ATG10: variants seen among roughly 807,000 people sequenced by gnomAD.
The protein encoded by ATG10 is ubiquitin-like-conjugating enzyme ATG10.
ATG10 carries 30 observed loss-of-function variants against 32.1 expected under a neutral mutation model. The ratio of observed to expected loss-of-function variants is 0.94; its 90% CI spans 0.70 to 1.27. The LOEUF is 1.27. ATG10 is among the 50% of genes most tolerant of loss of function. The pLI, the probability that ATG10 is intolerant of heterozygous loss-of-function variation, is 0.00. For synonymous variants in ATG10, 87 were observed against 91.5 expected, an observed-to-expected ratio of 0.95 and a Z score of 0.28; for missense variants, 233 against 262.3, an observed-to-expected ratio of 0.89 and a Z score of 0.77.
chr5:82,167,781 C>G (rs142806550), intron 4 of ATG10, among the ~76,000 whole-genome samples: 1 of 152,206 alleles, frequency 6.6e-6, no homozygotes, highest in Non-Finnish European at 1.5e-5. Flanking sequence ...GCTTCTGCCT[C>G]TCATTTCTAC....
At chr5:82,046,885 T>C (rs1007658663) in intron 2 of ATG10, among the ~76,000 whole-genome samples, 6 of 152,014 alleles carry the variant, frequency 3.9e-5, no homozygotes, top group Non-Finnish European at 7.4e-5. Context: ...AAATAGCCAA[T>C]GGTTCAAAAA....
chr5:82,013,291 C>A (rs1472047495), intron 2 of ATG10, among the ~76,000 whole-genome samples: 7 of 152,324 alleles, frequency 4.6e-5, no homozygotes, highest in African/African-American at 1.7e-4. Flanking sequence ...CATACCTTAG[C>A]TCCCACTTGT....
At chr5:82,059,720 A>G (rs944392450) in intron 3 of ATG10, among the ~76,000 whole-genome samples, 1 of 152,160 alleles carries the variant, frequency 6.6e-6, no homozygotes, top group Non-Finnish European at 1.5e-5. Context: ...CCATTTGCCA[A>G]TCAGACATCA....
At position 81,972,314 on chromosome 5, in the gene ATG10, T is replaced by G. The variant is rs1760745015; in HGVS notation, c.-13+8T>G. On this transcript the variant is annotated splice_region_variant and intron_variant, in intron 1 of 7. Coordinates refer to ENST00000282185, the MANE Select transcript of ATG10 (RefSeq NM_031482.5). ...GGGGCCGAGCGGAGAGGGGTGAGTATTCCCCACAGCCCTTGCCGGTTGTCT... is the reference window on the plus strand; with the variant it reads ...GGGGCCGAGCGGAGAGGGGTGAGTAGTCCCCACAGCCCTTGCCGGTTGTCT... 6.6e-6 allele frequency: 1 copy of G among 152,156 alleles called. No homozygotes were observed. The highest frequency in any genetic ancestry group is 2.1e-4 in the South Asian group (1 of 4,830). The allele number at this position is 152,156 out of a possible 1,614,324, so 9.4% of individuals were successfully genotyped here.
chr5:82,110,905 C>T (rs2149814200), intron 3 of ATG10, among the ~76,000 whole-genome samples: 1 of 151,992 alleles, frequency 6.6e-6, no homozygotes, highest in South Asian at 2.1e-4. Context: ...CTAAAGGTAC[C>T]TAATCAAATT....
intron 3 of ATG10, among the ~76,000 whole-genome samples, chr5:82,063,854 G>A (rs1763862201): frequency 6.6e-6 from 1 of 152,016 alleles, no homozygotes; most frequent in South Asian, 2.1e-4. Context: ...AGAGGGAGAG[G>A]ATCAAGAAAA....
intron 3 of ATG10, among the ~76,000 whole-genome samples, chr5:82,098,051 C>T (rs1045533847): frequency 2.0e-5 from 3 of 152,106 alleles, no homozygotes; most frequent in Non-Finnish European, 4.4e-5. Flanking sequence ...CAACAGTGGC[C>T]GCTTGACCAT....
chr5:82,042,708 C>G (rs1182247948), intron 2 of ATG10, among the ~76,000 whole-genome samples: 1 of 152,164 alleles, frequency 6.6e-6, no homozygotes, highest in African/African-American at 2.4e-5. Context: ...GGGCTACAGT[C>G]CCCATGCAAG....
At chr5:82,179,242 A>G (rs1422561272) in intron 5 of ATG10, among the ~76,000 whole-genome samples, 1 of 152,136 alleles carries the variant, frequency 6.6e-6, no homozygotes, top group Non-Finnish European at 1.5e-5. Context: ...TAAGTCTGGG[A>G]CTGTCTGTAC....
intron 5 of ATG10, among the ~76,000 whole-genome samples, chr5:82,182,505 A>G (rs904992314): frequency 6.6e-6 from 1 of 152,180 alleles, no homozygotes; most frequent in African/African-American, 2.4e-5. Context: ...AACAGAGAGT[A>G]GCATACCATT....
intron 3 of ATG10, among the ~76,000 whole-genome samples, chr5:82,103,427 T>C (rs1765343279): frequency 6.6e-6 from 1 of 152,156 alleles, no homozygotes; most frequent in African/African-American, 2.4e-5. Context: ...ATCTCCTTGC[T>C]GTGCTTGCAG....
At chr5:82,142,040 G>C (rs1767173572) in intron 3 of ATG10, among the ~76,000 whole-genome samples, 1 of 152,174 alleles carries the variant, frequency 6.6e-6, no homozygotes, top group Non-Finnish European at 1.5e-5. Context: ...TTCTACCAGT[G>C]AATGTAGCGT....
At chr5:82,211,284 C>A (rs149023047) in intron 5 of ATG10, among the ~76,000 whole-genome samples, 2 of 152,168 alleles carry the variant, frequency 1.3e-5, no homozygotes, top group Non-Finnish European at 2.9e-5. Context: ...AAAACTGCCT[C>A]ATTTCTTCCT....
intron 3 of ATG10, among the ~76,000 whole-genome samples, chr5:82,081,810 TA>T (rs1764492319): frequency 1.3e-5 from 2 of 152,338 alleles, no homozygotes; most frequent in South Asian, 4.1e-4. Context: ...GATATTGGTC[TA>T]AAATTCTCTT....
At chr5:81,989,033 T>A (rs1178623910) in intron 2 of ATG10, among the ~76,000 whole-genome samples, 1 of 152,124 alleles carries the variant, frequency 6.6e-6, no homozygotes, top group Non-Finnish European at 1.5e-5. Context: ...GGTTTGGCCA[T>A]GTTGGCCAGG....
chr5:82,124,336 C>T (rs1407397603), intron 3 of ATG10, among the ~76,000 whole-genome samples: 1 of 150,108 alleles, frequency 6.7e-6, no homozygotes, highest in Non-Finnish European at 1.5e-5. Flanking sequence ...TTCTGGGATA[C>T]ATGTGCAGAA....
At chr5:82,046,583 C>T (rs1763242937) in intron 2 of ATG10, among the ~76,000 whole-genome samples, 1 of 152,196 alleles carries the variant, frequency 6.6e-6, no homozygotes, top group Non-Finnish European at 1.5e-5. Flanking sequence ...GTTTGTGGTA[C>T]TTTGTACAGC....
intron 3 of ATG10, among the ~76,000 whole-genome samples, chr5:82,139,876 T>C (rs1461815974): frequency 1.0e-3 from 118 of 113,652 alleles, no homozygotes; most frequent in South Asian, 2.5e-3. Context: ...AGCCGCCCCG[T>C]CCGGGAGGGA....
intron 3 of ATG10, among the ~76,000 whole-genome samples, chr5:82,139,938 T>TGC (rs1767002618): frequency 5.7e-5 from 3 of 52,994 alleles, no homozygotes; most frequent in South Asian, 1.7e-3. Context: ...GGGAGGGAGG[T>TGC]GGGGGGGTCA....
Sources: allele counts gnomAD v4.1 joint callset (sites outside exome capture counted in the v4.1 genomes callset), GRCh38; gene constraint gnomAD v4.1.1; transcripts MANE v1.5; gene names NCBI Gene and HGNC (gene_info 2026-07-23, HGNC 2026-07-21).